CFAP299: variants seen among roughly 807,000 people sequenced by gnomAD.
CFAP299 encodes cilia- and flagella-associated protein 299.
A neutral mutation model predicts 27.0 loss-of-function variants in CFAP299; 21 were observed. The ratio of observed to expected loss-of-function variants is 0.78; its 90% CI spans 0.55 to 1.12. The LOEUF is 1.12. Ranked by LOEUF, CFAP299 falls within the 50% of genes most tolerant of loss-of-function variation. The pLI is 0.00. For synonymous variants in CFAP299, 104 were observed against 98.1 expected (o/e 1.06, Z -0.36); for missense variants, 310 against 276.6 (o/e 1.12, Z -0.86).
At chr4:80,722,066 T>C (rs982735632) in intron 3 of CFAP299, among the ~76,000 whole-genome samples, 2 of 152,172 alleles carry the variant, frequency 1.3e-5, no homozygotes, top group African/African-American at 2.4e-5. Flanking sequence ...TTAAAAATTA[T>C]TGAAATATCT....
chr4:80,420,213 G>A lies in CFAP299; in HGVS notation c.242+57329G>A, dbSNP rs183074615. 5 of 456,032 alleles carry A rather than the reference G, an allele frequency of 1.1e-5. No individual in the cohort carries two copies. In the East Asian group the frequency reaches 2.1e-4, roughly 19 times the overall value. 28.2% of individuals were successfully genotyped at this position (456,032 alleles called of 1,614,324 possible). A position where few individuals can be genotyped will look rare whatever the true frequency, so the allele number is the denominator to read the frequency against. On this transcript the variant is annotated intron_variant, in intron 2 of 5. Transcript: ENST00000358105. ...TAAATGTTTCTTTCGGACTTTTACA[G>A]GTGTCAGACTCTCAGTTAATCTTTC...
At chr4:80,629,076 A>G (rs1255531700) in intron 3 of CFAP299, among the ~76,000 whole-genome samples, 1 of 152,222 alleles carries the variant, frequency 6.6e-6, no homozygotes, top group East Asian at 1.9e-4. Context: ...CTAAGTTTCC[A>G]TTACTGAATG....
At chr4:80,714,466 G>A (rs191282541) in intron 3 of CFAP299, among the ~76,000 whole-genome samples, 2 of 152,146 alleles carry the variant, frequency 1.3e-5, no homozygotes, top group South Asian at 2.1e-4. Flanking sequence ...ACGGTTCTCA[G>A]TGCTAATCCT....
At chr4:80,889,621 C>CT (rs1734151513) in intron 4 of CFAP299, among the ~76,000 whole-genome samples, 1 of 152,022 alleles carries the variant, frequency 6.6e-6, no homozygotes. Flanking sequence ...CAAACTTATT[C>CT]TACAAAGCCA....
At chr4:80,815,049 G>T (rs952655883) in intron 3 of CFAP299, among the ~76,000 whole-genome samples, 2 of 151,908 alleles carry the variant, frequency 1.3e-5, no homozygotes, top group Non-Finnish European at 2.9e-5. Flanking sequence ...CAAACATTTG[G>T]TGAAAACCGA....
rs10701207 is a variant in CFAP299 at position 80,380,422 on chromosome 4, A to ATTTTTTTTT, written c.242+17554_242+17562dup. On this transcript the variant is annotated intron_variant, in intron 2 of 5. Transcript: ENST00000358105. Reference sequence around the variant, plus strand: ...GAATATTATTTAGATTGTGTCTCACATTTTTTTTTTTTTTTTTTTTTTTTA... The same window carrying ATTTTTTTTT: ...GAATATTATTTAGATTGTGTCTCACATTTTTTTTTTTTTTTTTTTTTTTTTTTTTTTTTA... Among the ~76,000 whole-genome samples, 3 of 96,138 alleles carry ATTTTTTTTT rather than the reference A, an allele frequency of 3.1e-5. 1 individual carries two copies. The highest frequency in any genetic ancestry group is 5.8e-5 in the Non-Finnish European group (3 of 51,412). The allele number at this position is 96,138 out of a possible 152,430, so 63.1% of individuals were successfully genotyped here.
rs543707586 is a variant in CFAP299, at chr4:80,471,823, G to T, written c.242+108939G>T. Reference sequence around the variant, plus strand: ...TGACTGCCAGTGTTTCTGTAACTGCGAGATGGGAGAGCGCTTGCACTCCTT... The same window carrying T: ...TGACTGCCAGTGTTTCTGTAACTGCTAGATGGGAGAGCGCTTGCACTCCTT... On this transcript the variant is annotated intron_variant, in intron 2 of 5. Transcript: ENST00000358105. 7.9e-5 allele frequency among the ~76,000 whole-genome samples: 12 copies of T among 152,264 alleles called. No individual in the cohort carries two copies. In the South Asian group the frequency reaches 2.3e-3, roughly 29 times the overall value.
chr4:80,719,749 T>G (rs1489792155), intron 3 of CFAP299, among the ~76,000 whole-genome samples: 1 of 152,164 alleles, frequency 6.6e-6, no homozygotes, highest in Admixed American at 6.5e-5. Context: ...ACTGGACTGT[T>G]TGTGAGATGT....
intron 2 of CFAP299, among the ~76,000 whole-genome samples, chr4:80,370,931 C>T (rs1724114696): frequency 6.6e-6 from 1 of 152,232 alleles, no homozygotes; most frequent in African/African-American, 2.4e-5. Context: ...AGAGCTCTAA[C>T]TCCACATTTC....
chr4:80,354,766 T>G (rs958324520), intron 1 of CFAP299, among the ~76,000 whole-genome samples: 1 of 151,948 alleles, frequency 6.6e-6, no homozygotes, highest in Admixed American at 6.5e-5. Flanking sequence ...AGTAATAACA[T>G]GTGGTATTTG....
chr4:80,875,630 C>T (rs1357694508), intron 4 of CFAP299, among the ~76,000 whole-genome samples: 1 of 150,098 alleles, frequency 6.7e-6, no homozygotes, highest in African/African-American at 2.5e-5. Context: ...CGCCATTGCA[C>T]TCCAGCCTGG....
At position 80,335,792 on chromosome 4, in the gene CFAP299, G is replaced by A. The variant is rs1282479668; in HGVS notation, c.24G>A (p.Lys8=). The A allele has an allele frequency of 2.5e-6, 4 of 1,613,324 alleles. No individual in the cohort carries two copies. The highest frequency in any genetic ancestry group is 3.4e-6 in the Non-Finnish European group (4 of 1,179,252). The change falls in exon 1 of 6, where the codon AAG becomes AAA. Residue 8 remains lysine (K), a synonymous_variant. Transcript: ENST00000358105. MDQEEGL[K]ALDNIVTQFN... is the part of the protein sequence containing the mutation. ...CAATGGATCAGGAAGAGGGGCTGAA[G>A]GCCTTGGACAATATTGTCACTCAAT...
chr4:80,576,316 A>T (rs891934271), intron 2 of CFAP299, among the ~76,000 whole-genome samples: 2 of 151,606 alleles, frequency 1.3e-5, no homozygotes, highest in South Asian at 4.1e-4. Flanking sequence ...CCTAATTTAT[A>T]TAAAGGATAA....
rs566222141 is a variant in CFAP299 at position 80,508,501 on chromosome 4, TTTAAATTGTTA to T, written c.243-74588_243-74578del. Among the ~76,000 whole-genome samples the T allele has an allele frequency of 2.6e-3, 400 of 152,296 alleles. 2 individuals are homozygous for T. Among genetic ancestry groups the T allele is most frequent in the African/African-American group, 7.9e-3 (330 of 41,578 alleles). ...ATCCTCCTAATGGCCTTATCTCTCT[TTTAAATTGTTA>T]TTATTTTCAGATTCTCCTCACTTTT... On this transcript the variant is annotated intron_variant, in intron 2 of 5. Coordinates refer to ENST00000358105, the MANE Select transcript of CFAP299 (RefSeq NM_152770.3).
chr4:80,749,405 C>T (rs1238495220), intron 3 of CFAP299, among the ~76,000 whole-genome samples: 1 of 152,084 alleles, frequency 6.6e-6, no homozygotes, highest in East Asian at 1.9e-4. Context: ...AGTCTGGGTT[C>T]TCTAGAGGGA....
chr4:80,480,805 C>T lies in CFAP299; in HGVS notation c.243-102288C>T, dbSNP rs571308673. ...GTACTTGATTTTTTCTGATCATTTG[C>T]AATTCAACCCAGTCTACAAACAGTT... is the stretch of plus-strand genomic sequence containing the variant. On this transcript the variant is annotated intron_variant, in intron 2 of 5. Coordinates refer to ENST00000358105, the MANE Select transcript of CFAP299 (RefSeq NM_152770.3). 3.3e-5 allele frequency among the ~76,000 whole-genome samples: 5 copies of T among 152,004 alleles called. No individual in the cohort carries two copies. In the East Asian group the frequency reaches 9.7e-4, roughly 29 times the overall value.
At chr4:80,871,231 G>C (rs1294995277) in intron 4 of CFAP299, 11 of 985,276 alleles carry the variant, frequency 1.1e-5, no homozygotes, top group Non-Finnish European at 1.2e-5. Context: ...AATGGACTTA[G>C]CTCTTTCCTG....
chr4:80,686,335 G>A (rs186294456), intron 3 of CFAP299, among the ~76,000 whole-genome samples: 2 of 152,346 alleles, frequency 1.3e-5, no homozygotes, highest in African/African-American at 2.4e-5. Flanking sequence ...AGCAGAAGAA[G>A]GGAGGAGCCT....
chr4:80,768,713 A>T (rs189611359), intron 3 of CFAP299, among the ~76,000 whole-genome samples: 26 of 152,240 alleles, frequency 1.7e-4, no homozygotes, highest in African/African-American at 6.0e-4. Context: ...CCTTTTGATG[A>T]TCTATTTCAA....
Sources: allele counts gnomAD v4.1 joint callset (sites outside exome capture counted in the v4.1 genomes callset), GRCh38; gene constraint gnomAD v4.1.1; transcripts MANE v1.5; gene names NCBI Gene and HGNC (gene_info 2026-07-23, HGNC 2026-07-21).